Variants in DSG2 observed in about 807,000 individuals in gnomAD.
DSG2 encodes the protein desmoglein 2.
DSG2 carries 45 observed loss-of-function variants against 75.6 expected under a neutral mutation model. The observed-to-expected ratio is 0.60, with a 90% CI of 0.47 to 0.76. The LOEUF (loss-of-function observed/expected upper bound fraction) is 0.76, where lower values mean the gene tolerates loss of function less well. Ranked by LOEUF, DSG2 falls within the 30% of genes least tolerant of loss-of-function variation. DSG2 has a pLI of 0.00. For synonymous variants in DSG2, 429 were observed against 483.9 expected (o/e 0.89, Z 1.49); for missense variants, 1,267 against 1,357.4 (o/e 0.93, Z 1.05).
At chr18:31,537,475 C>T (rs2073238161) in intron 11 of DSG2, among the ~76,000 whole-genome samples, 1 of 151,890 alleles carries the variant, frequency 6.6e-6, no homozygotes, top group Non-Finnish European at 1.5e-5. Flanking sequence ...AAAAATTAGC[C>T]GGGCGTGGTG....
At chr18:31,498,466 A>G (rs1351512371) in intron 1 of DSG2, among the ~76,000 whole-genome samples, 170 bp downstream of exon 1, 1 of 152,098 alleles carries the variant, frequency 6.6e-6, no homozygotes, top group Non-Finnish European at 1.5e-5. Context: ...GCGAGATCCG[A>G]CCTGGGGCTT....
chr18:31,504,009 A>T, intron 1 of DSG2, among the ~76,000 whole-genome samples: 1 of 152,154 alleles, frequency 6.6e-6, no homozygotes, highest in East Asian at 1.9e-4. Context: ...CTAAGTAGGG[A>T]TTTATTTTAC....
chr18:31,510,513 C>A (rs148327231), intron 1 of DSG2, among the ~76,000 whole-genome samples: 88 of 151,888 alleles, frequency 5.8e-4, no homozygotes, highest in African/African-American at 2.1e-3. Context: ...AACAGAAAGT[C>A]TTTTCTAAAA....
At chr18:31,531,305 A>G (rs1013827714) in intron 9 of DSG2, 53 bp downstream of exon 9, 16 of 1,590,468 alleles carry the variant, frequency 1.0e-5, no homozygotes, top group African/African-American at 2.7e-5. Flanking sequence ...TTCAGTGCCT[A>G]TTTTCAAAAA....
At chr18:31,498,406 C>G in intron 1 of DSG2, 110 bp downstream of exon 1, 1 of 1,152,882 alleles carries the variant, frequency 8.7e-7, no homozygotes, top group Non-Finnish European at 1.1e-6. Flanking sequence ...GTTACCTGCC[C>G]GGCGCTCCTT....
chr18:31,545,729 C>T lies in DSG2; in HGVS notation c.2343C>T (p.Ala781=). The stretch of plus-strand genomic sequence containing the variant: ...TTTTGTTTTCATTTTAGAAAGCGGC[C>T]TCTTACACTGAGGAAGATGAAAATC... ...FLRNYFTDKA[A]SYTEEDENHT... Residue 781 remains alanine, a synonymous_variant, in exon 15 of 15, where the codon GCC becomes GCT. Coordinates refer to ENST00000261590, the MANE Select transcript of DSG2 (RefSeq NM_001943.5). 1 of 1,613,762 alleles carries T rather than the reference C, an allele frequency of 6.2e-7. No homozygotes were observed. The highest frequency in any genetic ancestry group is 8.5e-7 in the Non-Finnish European group (1 of 1,180,006).
chr18:31,498,606 G>A (rs2072997312), intron 1 of DSG2, among the ~76,000 whole-genome samples: 1 of 152,170 alleles, frequency 6.6e-6, no homozygotes, highest in African/African-American at 2.4e-5. Flanking sequence ...CTGGGGCGGG[G>A]AACACCATTG....
rs121913010 is a variant in DSG2 at position 31,545,820 on chromosome 18, G to T, written c.2434G>T (p.Gly812Cys). 1.1e-5 allele frequency: 18 copies of T among 1,614,012 alleles called. No homozygotes were observed. The highest frequency in any genetic ancestry group is 1.4e-5 in the Non-Finnish European group (17 of 1,180,042). Residue 812 changes from glycine to cysteine, a missense_variant, in exon 15 of 15, where the codon GGT becomes TGT. Gly to Cys is a radical substitution (Grantham distance 159). Transcript: ENST00000261590. ...EETESLNASI[G>C]CCSFIEGELD... ...AACTGAATCGCTGAATGCTTCTATT[G>T]GTTGTTGCAGTTTTATTGAAGGAGA...
Position 31,498,243 on chromosome 18 carries a change from G to A in DSG2, c.-9G>A. On this transcript the variant is annotated 5_prime_UTR_variant, in exon 1 of 15. Coordinates refer to ENST00000261590, the MANE Select transcript of DSG2 (RefSeq NM_001943.5). ...CGGTGCGGCGGCGGGAGGCGGAGGCGAGGGTGCGATGGCGCGGAGCCCGGG... is the reference window on the plus strand; with the variant it reads ...CGGTGCGGCGGCGGGAGGCGGAGGCAAGGGTGCGATGGCGCGGAGCCCGGG... 8.0e-7 allele frequency: 1 copy of A among 1,255,814 alleles called. No homozygotes were observed. Among genetic ancestry groups the A allele is most frequent in the Non-Finnish European group, 1.0e-6 (1 of 996,854 alleles). 77.8% of individuals were successfully genotyped at this position (1,255,814 alleles called of 1,614,324 possible).
At chr18:31,524,113 C>T (rs2073146024) in intron 6 of DSG2, among the ~76,000 whole-genome samples, 1 of 152,332 alleles carries the variant, frequency 6.6e-6, no homozygotes, top group Admixed American at 6.5e-5. Context: ...GAATGAAGTG[C>T]AGGACAGAAA....
intron 1 of DSG2, among the ~76,000 whole-genome samples, chr18:31,514,287 A>G (rs974683051): frequency 6.6e-6 from 1 of 152,226 alleles, no homozygotes; most frequent in African/African-American, 2.4e-5. Context: ...TAAATCTAAA[A>G]CTATTCCTAA....
intron 1 of DSG2, among the ~76,000 whole-genome samples, chr18:31,514,577 G>A (rs1011469257): frequency 1.3e-5 from 2 of 152,162 alleles, no homozygotes; most frequent in African/African-American, 4.8e-5. Flanking sequence ...ACAAACAAAT[G>A]ATATTTCATG....
At chr18:31,531,594 T>C (rs569656225) in intron 9 of DSG2, among the ~76,000 whole-genome samples, 10 of 152,292 alleles carry the variant, frequency 6.6e-5, no homozygotes, top group Admixed American at 1.3e-4. Flanking sequence ...TATTGGAGGG[T>C]GAGAACGTAG....
intron 1 of DSG2, among the ~76,000 whole-genome samples, chr18:31,512,052 C>T (rs1254043553): frequency 2.6e-5 from 4 of 152,168 alleles, no homozygotes; most frequent in Non-Finnish European, 4.4e-5. Context: ...TAACTAAAAC[C>T]GACTGATGAC....
chr18:31,500,333 AG>A (rs2073007445), intron 1 of DSG2, among the ~76,000 whole-genome samples: 1 of 152,220 alleles, frequency 6.6e-6, no homozygotes, highest in South Asian at 2.1e-4. Flanking sequence ...TCCTGTGACC[AG>A]GAACTGCACT....
At chr18:31,505,288 A>T (rs2073033255) in intron 1 of DSG2, among the ~76,000 whole-genome samples, 1 of 152,174 alleles carries the variant, frequency 6.6e-6, no homozygotes, top group Admixed American at 6.5e-5. Context: ...ACAGAAACAG[A>T]TTATCTTCCA....
intron 1 of DSG2, 83 bp downstream of exon 1, chr18:31,498,379 C>T (rs2072995444): frequency 1.6e-6 from 2 of 1,228,698 alleles, no homozygotes; most frequent in South Asian, 4.1e-5. Context: ...CCAGACTTGC[C>T]CGCCGCCCTT....
chr18:31,525,545 C>T (rs2073158313), intron 8 of DSG2, among the ~76,000 whole-genome samples: 1 of 150,674 alleles, frequency 6.6e-6, no homozygotes, highest in Non-Finnish European at 1.5e-5. Flanking sequence ...CGAAACAAAA[C>T]CAGTAAACCC....
chr18:31,511,915 C>T (rs1417202169), intron 1 of DSG2, among the ~76,000 whole-genome samples: 2 of 152,158 alleles, frequency 1.3e-5, no homozygotes, highest in East Asian at 1.9e-4. Context: ...CAATTCACAG[C>T]AGATTAGCCT....
Sources: allele counts gnomAD v4.1 joint callset (sites outside exome capture counted in the v4.1 genomes callset), GRCh38; gene constraint gnomAD v4.1.1; transcripts MANE v1.5; gene names NCBI Gene and HGNC (gene_info 2026-07-23, HGNC 2026-07-21).